Variants in WDR7 observed in about 807,000 individuals in gnomAD.
WDR7 encodes the protein WD repeat domain 7.
Under a neutral mutation model 169.4 loss-of-function variants are expected in WDR7, and 46 were observed. That is an observed-to-expected ratio of 0.27 (90% CI 0.21 to 0.35). WDR7 has a LOEUF of 0.35. Among genes scored for constraint, WDR7 ranks in the 10% least tolerant of loss-of-function variants. The pLI is 1.00. For missense variants in WDR7, 1,534 were observed against 1,859.3 expected (o/e 0.83, Z 3.22); for synonymous variants, 612 against 666.8 (o/e 0.92, Z 1.27).
At chr18:56,921,837 A>G (rs537851709) in intron 21 of WDR7, among the ~76,000 whole-genome samples, 146 of 152,304 alleles carry the variant, frequency 9.6e-4, no homozygotes, top group African/African-American at 3.4e-3. Flanking sequence ...GCGGTGAGGA[A>G]GCTTCCTCTA....
At chr18:56,750,794 A>G (rs1263069044) in intron 14 of WDR7, among the ~76,000 whole-genome samples, 1 of 152,202 alleles carries the variant, frequency 6.6e-6, no homozygotes, top group African/African-American at 2.4e-5. Flanking sequence ...AGTGTACTAT[A>G]TTACAATATC....
chr18:56,993,943 G>T (rs1487149098), intron 26 of WDR7, among the ~76,000 whole-genome samples: 1 of 151,674 alleles, frequency 6.6e-6, no homozygotes, highest in Non-Finnish European at 1.5e-5. Flanking sequence ...TATTGTCGTT[G>T]ATTTGAATGG....
At chr18:56,714,481 G>A (rs536602783) in intron 12 of WDR7, among the ~76,000 whole-genome samples, 4 of 141,310 alleles carry the variant, frequency 2.8e-5, no homozygotes, top group South Asian at 2.2e-4. Flanking sequence ...GTCTCACTCC[G>A]TCATCCAGGC....
chr18:56,849,890 A>G (rs921780895), intron 20 of WDR7, among the ~76,000 whole-genome samples: 1 of 152,112 alleles, frequency 6.6e-6, no homozygotes, highest in Non-Finnish European at 1.5e-5. Flanking sequence ...TTTTTATCCC[A>G]CCTGAGACTA....
At chr18:56,830,821 C>G (rs1214228497) in intron 20 of WDR7, among the ~76,000 whole-genome samples, 3 of 152,226 alleles carry the variant, frequency 2.0e-5, no homozygotes, top group Non-Finnish European at 4.4e-5. Flanking sequence ...ATTCTCCTGC[C>G]TCAGCCTCCT....
intron 22 of WDR7, among the ~76,000 whole-genome samples, chr18:56,925,544 T>C (rs757236854): frequency 2.0e-4 from 31 of 152,220 alleles, no homozygotes; most frequent in Non-Finnish European, 3.2e-4. Flanking sequence ...TCTCAATGAA[T>C]GGTGTTTCAT....
At chr18:56,994,018 T>A (rs1363738356) in intron 26 of WDR7, among the ~76,000 whole-genome samples, 6 of 27,064 alleles carry the variant, frequency 2.2e-4, no homozygotes, top group Non-Finnish European at 3.7e-4. Flanking sequence ...TTTTTTTTCT[T>A]TTTTTTTTTT....
chr18:56,988,349 T>C (rs1539908), intron 26 of WDR7, among the ~76,000 whole-genome samples: 94,404 of 151,876 alleles, frequency 0.62, 29,937 homozygotes, highest in Middle Eastern at 0.72. Flanking sequence ...GCTGCCTGTG[T>C]GCAGCACTCC....
chr18:56,884,256 G>A (rs2046155036), intron 21 of WDR7, among the ~76,000 whole-genome samples: 1 of 152,142 alleles, frequency 6.6e-6, no homozygotes, highest in African/African-American at 2.4e-5. Context: ...CTGATAATTA[G>A]CGATGTTGAC....
chr18:56,804,233 C>T (rs2044727411), intron 19 of WDR7, among the ~76,000 whole-genome samples: 1 of 152,150 alleles, frequency 6.6e-6, no homozygotes, highest in Non-Finnish European at 1.5e-5. Context: ...GGATTGTCTG[C>T]TAGCAGATTA....
In WDR7 at chr18:56,747,805, A is replaced by T. The variant is rs1481145015; in HGVS notation, c.1990-8778A>T. The stretch of plus-strand genomic sequence containing the variant: ...GGGCCAAGTTGGATCGTGATGAGGG[A>T]AGAGGGTTCAAAATAGCTTAGAATC... On this transcript the variant is annotated intron_variant, in intron 14 of 27. Coordinates refer to ENST00000254442, the MANE Select transcript of WDR7 (RefSeq NM_015285.3). 3.3e-5 allele frequency among the ~76,000 whole-genome samples: 5 copies of T among 151,200 alleles called. 1 individual carries two copies. In the East Asian group the frequency reaches 5.9e-4, roughly 18 times the overall value.
At chr18:56,672,014 G>T (rs1173034213) in intron 1 of WDR7, among the ~76,000 whole-genome samples, 1 of 152,120 alleles carries the variant, frequency 6.6e-6, no homozygotes, top group East Asian at 1.9e-4. Context: ...GGATCTGAAG[G>T]TCAAGATTTG....
intron 12 of WDR7, among the ~76,000 whole-genome samples, chr18:56,705,993 G>A (rs892193642): frequency 7.2e-5 from 11 of 152,206 alleles, no homozygotes; most frequent in African/African-American, 2.4e-4. Context: ...GGGAGATGCC[G>A]TCTCAAAAAC....
chr18:56,884,279 A>T (rs1297600727), intron 21 of WDR7, among the ~76,000 whole-genome samples: 4 of 151,860 alleles, frequency 2.6e-5, no homozygotes, highest in African/African-American at 9.7e-5. Context: ...TTTTTTTCAT[A>T]TGTTTGTTGG....
intron 21 of WDR7, among the ~76,000 whole-genome samples, chr18:56,887,130 G>A (rs2046208443): frequency 6.6e-6 from 1 of 152,188 alleles, no homozygotes; most frequent in African/African-American, 2.4e-5. Context: ...TTGAAAAGCT[G>A]TGGCAGAGTA....
intron 12 of WDR7, among the ~76,000 whole-genome samples, chr18:56,708,777 A>G (rs533231412): frequency 6.6e-6 from 1 of 152,300 alleles, no homozygotes; most frequent in Admixed American, 6.5e-5. Context: ...TTTACTAAAA[A>G]TACAAAAAAA....
chr18:56,956,988 T>C (rs142711370), intron 25 of WDR7, among the ~76,000 whole-genome samples: 117 of 152,326 alleles, frequency 7.7e-4, no homozygotes, highest in African/African-American at 2.7e-3. Flanking sequence ...TTGCATTGTC[T>C]ACTAAAATTT....
intron 21 of WDR7, among the ~76,000 whole-genome samples, chr18:56,902,769 A>G (rs1207418698): frequency 6.6e-6 from 1 of 152,120 alleles, no homozygotes; most frequent in Non-Finnish European, 1.5e-5. Flanking sequence ...CAAAAGACAG[A>G]CAAGTATGAT....
chr18:56,931,301 C>A (rs1162142505), intron 22 of WDR7, among the ~76,000 whole-genome samples: 1 of 152,198 alleles, frequency 6.6e-6, no homozygotes, highest in Non-Finnish European at 1.5e-5. Context: ...ATAGTATGGT[C>A]CTTCTTCATT....
Sources: allele counts gnomAD v4.1 joint callset (sites outside exome capture counted in the v4.1 genomes callset), GRCh38; gene constraint gnomAD v4.1.1; transcripts MANE v1.5; gene names NCBI Gene and HGNC (gene_info 2026-07-23, HGNC 2026-07-21).